DPH6: variants seen among roughly 807,000 people sequenced by gnomAD.
DPH6 encodes diphthamine biosynthesis 6.
Under a neutral mutation model 38.2 loss-of-function variants are expected in DPH6, and 33 were observed. The observed-to-expected ratio is 0.86, with a 90% CI of 0.65 to 1.15. DPH6 has a LOEUF of 1.15. Among genes scored for constraint, DPH6 ranks in the 50% most tolerant of loss-of-function variants. The probability of loss-of-function intolerance (pLI) is 0.00; values close to 1 mark genes in which losing one functional copy is unlikely to be tolerated. For synonymous variants in DPH6, 108 were observed against 103.0 expected (o/e 1.05, Z -0.30); for missense variants, 325 against 320.0 (o/e 1.02, Z -0.12).
rs142269898 is a variant in DPH6 at position 35,323,647 on chromosome 15, AAGG to A, written n.200+49871_200+49873del. Reference sequence around the variant, plus strand: ...TTTCATCTTTATGTATTGTTTGCCCAAGGAGAATTCATTTAAAAGTAAGGATTA... The same window carrying A: ...TTTCATCTTTATGTATTGTTTGCCCAAGAATTCATTTAAAAGTAAGGATTA... On this transcript the variant is annotated intron_variant and non_coding_transcript_variant, in intron 3 of 3. Coordinates refer to the DPH6 transcript ENST00000560386. Among the ~76,000 whole-genome samples, 497 of 152,296 alleles carry A rather than the reference AAGG, an allele frequency of 3.3e-3. 2 individuals carry two copies. Among genetic ancestry groups the A allele is most frequent in the African/African-American group, 0.012 (479 of 41,562 alleles).
chr15:35,410,861 C>T lies in DPH6; in HGVS notation c.541G>A (p.Asp181Asn). 6.2e-7 allele frequency: 1 copy of T among 1,603,962 alleles called. No homozygotes were observed. The highest frequency in any genetic ancestry group is 8.5e-7 in the Non-Finnish European group (1 of 1,175,078). Residue 181 changes from aspartate to asparagine, a missense_variant, in exon 6 of 9, where the codon GAT becomes AAT. Asp to Asn is a conservative substitution (Grantham distance 23). Transcript: ENST00000256538. ...TCTATGAGATAAGGCTCCATTTGAT[C>T]CAGGGTTTTCCCAAGATGCTTATCA... ...DPDKHLGKTL[D>N]QMEPYLIELS...
chr15:35,339,798 T>C (rs1371040553), intron 3 of DPH6, among the ~76,000 whole-genome samples: 2 of 152,210 alleles, frequency 1.3e-5, no homozygotes, highest in East Asian at 1.9e-4. Flanking sequence ...GGTGTTTTAC[T>C]TCCGATTATG....
At chr15:35,522,950 C>T (rs2054942394) in intron 3 of DPH6, among the ~76,000 whole-genome samples, 1 of 152,010 alleles carries the variant, frequency 6.6e-6, no homozygotes, top group Admixed American at 6.6e-5. Context: ...TAATGCTATA[C>T]AGCATCCCAC....
At chr15:35,331,846 G>C (rs1239375531) in intron 3 of DPH6, among the ~76,000 whole-genome samples, 1 of 152,162 alleles carries the variant, frequency 6.6e-6, no homozygotes, top group Non-Finnish European at 1.5e-5. Flanking sequence ...GTGGTGGCAA[G>C]TCCCTCACCC....
At chr15:35,318,358 T>G (rs2052211095) in intron 3 of DPH6, among the ~76,000 whole-genome samples, 1 of 152,064 alleles carries the variant, frequency 6.6e-6, no homozygotes, top group Admixed American at 6.5e-5. Flanking sequence ...CTGACAGAAC[T>G]TAAATGAGAA....
chr15:35,484,703 C>T lies in DPH6; in HGVS notation c.313-29883G>A, dbSNP rs556303523. On this transcript the variant is annotated intron_variant, in intron 3 of 8. Transcript: ENST00000256538. ...CTAATCTCAGAGTGGAATTTCATCA[C>T]ATCTTCTGTAAGTCTCGGGTCTAGC... Among the ~76,000 whole-genome samples, 4 of 152,280 alleles carry T rather than the reference C, an allele frequency of 2.6e-5. No individual in the cohort carries two copies. The South Asian group carries it at 6.2e-4, about 24-fold the overall frequency.
chr15:35,160,545 G>C, the DPH6 span, among the ~76,000 whole-genome samples: 1 of 151,812 alleles, frequency 6.6e-6, no homozygotes, highest in South Asian at 2.1e-4. Flanking sequence ...TTGTCATCCA[G>C]GTAGTGACAA....
chr15:35,233,186 G>C (rs1015631266), intron 3 of DPH6, among the ~76,000 whole-genome samples: 1 of 152,138 alleles, frequency 6.6e-6, no homozygotes, highest in African/African-American at 2.4e-5. Context: ...GCGGGCACCT[G>C]TAATCCCAGC....
intron 3 of DPH6, among the ~76,000 whole-genome samples, chr15:35,503,973 T>C (rs1236011960): frequency 6.6e-6 from 1 of 152,128 alleles, no homozygotes; most frequent in Non-Finnish European, 1.5e-5. Context: ...ATTAATTATA[T>C]GCTGATGATC....
At chr15:35,237,357 T>A in intron 3 of DPH6, 1 of 1,597,246 alleles carries the variant, frequency 6.3e-7, no homozygotes, top group South Asian at 1.1e-5. Context: ...CATTTAGAGC[T>A]GCGGAACAGG....
intron 3 of DPH6, among the ~76,000 whole-genome samples, chr15:35,525,793 T>C (rs1217031416): frequency 1.3e-5 from 2 of 152,094 alleles, no homozygotes. Flanking sequence ...TGAGCCACGA[T>C]AGCTCCACTG....
intron 3 of DPH6, chr15:35,282,605 G>T: frequency 5.3e-6 from 2 of 378,590 alleles, no homozygotes; most frequent in East Asian, 6.7e-5. Context: ...AATGGGAGAT[G>T]AGCCAATCTG....
intron 3 of DPH6, chr15:35,298,634 A>C: frequency 3.8e-6 from 4 of 1,045,754 alleles, no homozygotes; most frequent in Non-Finnish European, 4.5e-6. Context: ...CTTGCCACCA[A>C]GCTTGCTGGT....
At chr15:35,147,497 G>A in the DPH6 span, among the ~76,000 whole-genome samples, 1 of 152,276 alleles carries the variant, frequency 6.6e-6, no homozygotes, top group East Asian at 1.9e-4. Flanking sequence ...CAGAAGCAGT[G>A]ACAAAGGAGT....
chr15:35,352,347 G>A (rs2052521318), intron 3 of DPH6, among the ~76,000 whole-genome samples: 1 of 152,044 alleles, frequency 6.6e-6, no homozygotes, highest in African/African-American at 2.4e-5. Flanking sequence ...TGTTACATAT[G>A]TATACATGTG....
chr15:35,445,173 T>G (rs1245986235), intron 5 of DPH6, among the ~76,000 whole-genome samples: 1 of 152,142 alleles, frequency 6.6e-6, no homozygotes, highest in Non-Finnish European at 1.5e-5. Context: ...TCCCTCAAGG[T>G]GGTCTTCCAA....
intron 3 of DPH6, among the ~76,000 whole-genome samples, chr15:35,357,235 T>C (rs2052569491): frequency 6.6e-6 from 1 of 152,228 alleles, no homozygotes; most frequent in African/African-American, 2.4e-5. Context: ...GCTTCCCAGG[T>C]GAGGCGATGC....
chr15:35,391,832 G>A (rs1185135543), intron 6 of DPH6, among the ~76,000 whole-genome samples: 1 of 152,186 alleles, frequency 6.6e-6, no homozygotes, highest in East Asian at 1.9e-4. Flanking sequence ...CATGCATGGT[G>A]CACTGCACCC....
intron 3 of DPH6, among the ~76,000 whole-genome samples, chr15:35,250,187 AAAAAAAC>A (rs764516973): frequency 1.5e-4 from 23 of 151,682 alleles, no homozygotes; most frequent in African/African-American, 4.6e-4. Flanking sequence ...CAAAAAAACC[AAAAAAAC>A]AAAAAACAAA....
Sources: gnomAD v4.1 joint callset for allele counts (sites outside exome capture counted in the v4.1 genomes callset) on GRCh38, gnomAD v4.1.1 for gene constraint, MANE v1.5 for transcripts, NCBI Gene and HGNC (gene_info 2026-07-23, HGNC 2026-07-21) for gene names.